Variants in PDE3A observed in about 807,000 individuals in gnomAD.
PDE3A encodes phosphodiesterase 3A.
A neutral mutation model predicts 98.3 loss-of-function variants in PDE3A; 43 were observed. That is an observed-to-expected ratio of 0.44 (90% confidence interval 0.34 to 0.56). The LOEUF is 0.56. PDE3A is among the 20% of genes least tolerant of loss of function. PDE3A has a pLI of 0.01. For missense variants in PDE3A, 1,427 were observed against 1,440.7 expected (o/e 0.99, Z 0.15); for synonymous variants, 663 against 567.9 (o/e 1.17, Z -2.38).
chr12:20,637,027 A>G (rs1489538382), intron 8 of PDE3A, 73 bp from the exon 9 acceptor site: 6 of 1,009,456 alleles, frequency 5.9e-6, no homozygotes, highest in Non-Finnish European at 8.4e-6. Context: ...GTTGTTATTG[A>G]ATTTAGCAAA....
chr12:20,552,629 A>G lies in PDE3A; in HGVS notation c.961-4031A>G, dbSNP rs2121257641. ...GCCGGGTCCCCGCGCCGGACATCCA[A>G]GAAAACCAAGGTGGAGCCCTACAGT... On this transcript the variant is annotated intron_variant, in intron 1 of 15. Transcript: ENST00000359062. The surrounding 1 kb of genome is among the most constrained non-coding windows in gnomAD (Gnocchi z 5.1). The G allele has an allele frequency of 6.2e-7, 1 of 1,613,868 alleles. No individual in the cohort carries two copies.
At chr12:20,398,049 T>G (rs966673492) in intron 1 of PDE3A, among the ~76,000 whole-genome samples, 5 of 127,568 alleles carry the variant, frequency 3.9e-5, no homozygotes, top group Non-Finnish European at 6.4e-5. Context: ...TTTTTTTTTT[T>G]TGTTTTTTTT....
chr12:20,521,519 C>T (rs1212201043), intron 1 of PDE3A, among the ~76,000 whole-genome samples: 1 of 152,000 alleles, frequency 6.6e-6, no homozygotes, highest in Non-Finnish European at 1.5e-5. Flanking sequence ...CCCAGATTTC[C>T]AATTTGATAC....
chr12:20,541,075 C>CTTTTTTTTTTTTTTTT (rs777927679), intron 1 of PDE3A, among the ~76,000 whole-genome samples: 1 of 52,958 alleles, frequency 1.9e-5, no homozygotes, highest in African/African-American at 6.8e-5. Context: ...TGGTAACTTT[C>CTTTTTTTTTTTTTTTT]TTTTTTTTTT....
In PDE3A at chr12:20,389,777, G is replaced by A. The variant is rs548296379; in HGVS notation, c.960+19533G>A. Reference sequence around the variant, plus strand: ...CAGAAAGGTCATAGCTAAATTTAATGCTCAAATACTGTCACCCTCTTAACA... The same window carrying A: ...CAGAAAGGTCATAGCTAAATTTAATACTCAAATACTGTCACCCTCTTAACA... On this transcript the variant is annotated intron_variant, in intron 1 of 15. Transcript: ENST00000359062. 5.9e-5 allele frequency among the ~76,000 whole-genome samples: 9 copies of A among 152,024 alleles called. No individual in the cohort carries two copies. The South Asian group carries it at 1.9e-3, about 32-fold the overall frequency.
At chr12:20,647,851 C>G (rs955338128) in intron 12 of PDE3A, among the ~76,000 whole-genome samples, 1 of 151,982 alleles carries the variant, frequency 6.6e-6, no homozygotes, top group African/African-American at 2.4e-5. Flanking sequence ...CAAAAATCCA[C>G]TGGCCAGGAT....
chr12:20,431,570 T>C (rs1944696874), intron 1 of PDE3A, among the ~76,000 whole-genome samples: 1 of 151,066 alleles, frequency 6.6e-6, no homozygotes, highest in Non-Finnish European at 1.5e-5. Context: ...GTGCCTTGCC[T>C]GTCAAATAGT....
At chr12:20,503,950 G>A (rs990098613) in intron 1 of PDE3A, among the ~76,000 whole-genome samples, 2 of 152,046 alleles carry the variant, frequency 1.3e-5, no homozygotes, top group African/African-American at 4.8e-5. Context: ...ACAACTGACT[G>A]TCTTCAGAAT....
At position 20,481,764 on chromosome 12, in the gene PDE3A, A is replaced by ATTTTTTTTTTT. The variant is rs10657239; in HGVS notation, c.961-74884_961-74874dup. 6.7e-3 allele frequency among the ~76,000 whole-genome samples: 533 copies of ATTTTTTTTTTT among 79,576 alleles called. 61 individuals are homozygous for ATTTTTTTTTTT. Among genetic ancestry groups the ATTTTTTTTTTT allele is most frequent in the African/African-American group, 0.015 (289 of 19,290 alleles). 52.2% of individuals were successfully genotyped at this position (79,576 alleles called of 152,430 possible). A position where few individuals can be genotyped will look rare whatever the true frequency, so the allele number is the denominator to read the frequency against. ...TCCATGTAAGTGACTTGGGAAATAG[A>ATTTTTTTTTTT]TTTTTTTTTTTTTTTTTTTTTTGAG... On this transcript the variant is annotated intron_variant, in intron 1 of 15. Transcript: ENST00000359062.
chr12:20,521,329 TGAATAATAA>T (rs1241444002), intron 1 of PDE3A, among the ~76,000 whole-genome samples: 6 of 152,108 alleles, frequency 3.9e-5, no homozygotes, highest in Admixed American at 3.9e-4. Flanking sequence ...AGTGGTAACA[TGAATAATAA>T]GAGATTTTTT....
chr12:20,649,211 G>A (rs1944860023), intron 13 of PDE3A, among the ~76,000 whole-genome samples: 1 of 152,050 alleles, frequency 6.6e-6, no homozygotes, highest in Non-Finnish European at 1.5e-5. Flanking sequence ...GATTACAGGT[G>A]TGAGGCACCG....
chr12:20,521,767 C>T (rs192644467), intron 1 of PDE3A, among the ~76,000 whole-genome samples: 3 of 152,102 alleles, frequency 2.0e-5, no homozygotes. Flanking sequence ...GAAGAGACCC[C>T]GAGCCAACAA....
chr12:20,633,760 C>T lies in PDE3A; in HGVS notation c.1828C>T (p.Arg610Trp), dbSNP rs749656655. 1.9e-5 allele frequency: 31 copies of T among 1,599,410 alleles called. No homozygotes were observed. The highest frequency in any genetic ancestry group is 1.6e-4 in the East Asian group (7 of 44,712). The change falls in exon 7 of 16, where the codon CGG becomes TGG. Residue 610 changes from arginine to tryptophan, a missense_variant. Transcript: ENST00000359062. The part of the protein sequence containing the change: ...EPLERSGVAT[R>W]TPSRTDDTAQ... ...CCTGGAGAGAAGTGGGGTAGCCACTCGGACACCAAGTAGAACAGGTAATTC... is the reference window on the plus strand; with the variant it reads ...CCTGGAGAGAAGTGGGGTAGCCACTTGGACACCAAGTAGAACAGGTAATTC...
At chr12:20,494,669 T>TGAAA (rs2121059447) in intron 1 of PDE3A, among the ~76,000 whole-genome samples, 1 of 152,270 alleles carries the variant, frequency 6.6e-6, no homozygotes, top group East Asian at 1.9e-4. Context: ...TGACCAAGTG[T>TGAAA]GAAAACAAGT....
intron 1 of PDE3A, among the ~76,000 whole-genome samples, chr12:20,391,806 C>T (rs1004937868): frequency 1.3e-5 from 2 of 151,750 alleles, no homozygotes; most frequent in Non-Finnish European, 2.9e-5. Context: ...TAGATATGGT[C>T]TTTTGAAATT....
chr12:20,660,919 C>G (rs1046083537), intron 15 of PDE3A, among the ~76,000 whole-genome samples: 1 of 151,934 alleles, frequency 6.6e-6, no homozygotes, highest in Admixed American at 6.6e-5. Context: ...AATGTGGAAA[C>G]GACTTTGGAA....
At chr12:20,423,662 T>C (rs12301484) in intron 1 of PDE3A, among the ~76,000 whole-genome samples, 11,150 of 152,154 alleles carry the variant, frequency 0.073, 806 homozygotes, top group East Asian at 0.19. Context: ...TAATCTGTGC[T>C]TTACTTCCCC....
At chr12:20,543,130 T>A (rs1941962658) in intron 1 of PDE3A, among the ~76,000 whole-genome samples, 1 of 152,070 alleles carries the variant, frequency 6.6e-6, no homozygotes, top group South Asian at 2.1e-4. Context: ...AAAGTCATAA[T>A]GCCTTGTTTA....
intron 1 of PDE3A, among the ~76,000 whole-genome samples, chr12:20,543,336 ACCTGGAAGTGCAAGT>A (rs887820638): frequency 2.0e-5 from 3 of 151,848 alleles, no homozygotes; most frequent in African/African-American, 7.2e-5. Context: ...ATAATAATAC[ACCTGGAAGTGCAAGT>A]CCTTTCCATA....
Sources: gnomAD v4.1 joint callset for allele counts (sites outside exome capture counted in the v4.1 genomes callset) on GRCh38, gnomAD v4.1.1 for gene constraint, Gnocchi (gnomAD v3.1) non-coding constraint, MANE v1.5 for transcripts, NCBI Gene and HGNC (gene_info 2026-07-23, HGNC 2026-07-21) for gene names.